Variants in ANKRD18A observed in about 807,000 individuals in gnomAD.
ANKRD18A encodes ankyrin repeat domain 18A.
ANKRD18A carries 72 observed loss-of-function variants against 110.6 expected under a neutral mutation model. That is an observed-to-expected ratio of 0.65 (90% CI 0.54 to 0.79). The LOEUF is 0.79. Ranked by LOEUF, ANKRD18A falls within the 30% of genes least tolerant of loss-of-function variation. The pLI is 0.00. For missense variants in ANKRD18A, 934 were observed against 1,163.3 expected, an observed-to-expected ratio of 0.80 and a Z score of 2.87; for synonymous variants, 305 against 410.3, an observed-to-expected ratio of 0.74 and a Z score of 3.10.
At chr9:38,574,100 G>A (rs576060893) in intron 15 of ANKRD18A, among the ~76,000 whole-genome samples, 2 of 152,276 alleles carry the variant, frequency 1.3e-5, no homozygotes, top group East Asian at 3.9e-4. Context: ...TTGTTCCCAT[G>A]TTTATGTCAA....
At chr9:38,595,094 T>G (rs1193650338) in intron 9 of ANKRD18A, among the ~76,000 whole-genome samples, 1 of 152,162 alleles carries the variant, frequency 6.6e-6, no homozygotes, top group Middle Eastern at 3.2e-3. Flanking sequence ...TAAAACAGCT[T>G]TGTTGAAATA....
rs576419013 is a variant in ANKRD18A, at chr9:38,579,764, A to G, written c.2248-1616T>C. Among the ~76,000 whole-genome samples the G allele has an allele frequency of 2.2e-4, 33 of 152,312 alleles. 1 individual carries two copies. The highest frequency in any genetic ancestry group is 7.7e-4 in the African/African-American group (32 of 41,572). ...TAGTGCAGCTACTATAGAAAACAAC[A>G]TGAGGCTTTCTCAAAAAATGAACAA... On this transcript the variant is annotated intron_variant, in intron 12 of 15. Transcript: ENST00000399703.
chr9:38,609,416 GC>G lies in ANKRD18A; in HGVS notation c.740+856del, dbSNP rs562401670. ...GAATAGCGTGAACCCAGGAAGGGGA[GC>G]TTGCAGTGAGCCAAGATTGCGCCAC... On this transcript the variant is annotated intron_variant, in intron 5 of 15. Coordinates refer to ENST00000399703, the MANE Select transcript of ANKRD18A (RefSeq NM_147195.4). Among the ~76,000 whole-genome samples, 1,257 of 152,254 alleles carry G rather than the reference GC, an allele frequency of 8.3e-3. 21 individuals are homozygous for G. The highest frequency in any genetic ancestry group is 0.028 in the African/African-American group (1,183 of 41,542).
chr9:38,593,959 TTA>T (rs905985280), intron 9 of ANKRD18A, 50 bp from the exon 10 acceptor site: 5 of 1,413,506 alleles, frequency 3.5e-6, no homozygotes, highest in Non-Finnish European at 4.6e-6. Flanking sequence ...TATTATTAAA[TTA>T]TGTTAATATT....
At chr9:38,577,022 T>A (rs2118649212) in intron 14 of ANKRD18A, 31 bp downstream of exon 14, 1 of 1,530,232 alleles carries the variant, frequency 6.5e-7, no homozygotes, top group Non-Finnish European at 8.8e-7. Flanking sequence ...TGAGCTGAAT[T>A]CATTTTCTAT....
In ANKRD18A at chr9:38,586,309, A is replaced by T. The variant is rs1345933942; in HGVS notation, c.2121T>A (p.Tyr707Ter). ...NRELEEEATGYKKCLEMTINM... is the reference protein window; with the variant it reads ...NRELEEEATG ...TTATTGTCATTTCTAGGCATTTCTTATATCTGCAGAAATGTAAGAACTAGT... is the reference window on the plus strand; with the variant it reads ...TTATTGTCATTTCTAGGCATTTCTTTTATCTGCAGAAATGTAAGAACTAGT... Residue 707 changes from tyrosine to a stop codon, truncating the protein, a stop_gained, in exon 12 of 16, where the codon TAT becomes TAA. Coordinates refer to ENST00000399703, the MANE Select transcript of ANKRD18A (RefSeq NM_147195.4). LOFTEE classifies it high-confidence loss of function. The T allele has an allele frequency of 5.1e-6, 8 of 1,571,086 alleles. No individual in the cohort carries two copies. The highest frequency in any genetic ancestry group is 6.9e-6 in the Non-Finnish European group (8 of 1,153,766).
chr9:38,610,148 A>G, intron 5 of ANKRD18A, 125 bp downstream of exon 5: 1 of 1,300,622 alleles, frequency 7.7e-7, no homozygotes, highest in Non-Finnish European at 1.0e-6. Flanking sequence ...AAGTGGACTA[A>G]CTTGTTGCCA....
chr9:38,591,356 G>A (rs17840706), intron 10 of ANKRD18A, among the ~76,000 whole-genome samples: 7,571 of 152,210 alleles, frequency 0.05, 179 homozygotes, highest in Non-Finnish European at 0.062. Flanking sequence ...GATACTAGCC[G>A]TGCGACCTTG....
chr9:38,603,720 T>G (rs1333454475), intron 6 of ANKRD18A, among the ~76,000 whole-genome samples: 1 of 152,048 alleles, frequency 6.6e-6, no homozygotes, highest in African/African-American at 2.4e-5. Flanking sequence ...CAATCCCAGC[T>G]TTATACCCTG....
At chr9:38,602,190 A>G (rs1375707446) in intron 7 of ANKRD18A, among the ~76,000 whole-genome samples, 3 of 150,326 alleles carry the variant, frequency 2.0e-5, no homozygotes, top group Non-Finnish European at 3.0e-5. Flanking sequence ...GCTAGACTGT[A>G]GCAATCATCT....
At chr9:38,569,654 C>T (rs1203010601), downstream of ANKRD18A, among the ~76,000 whole-genome samples, 3 of 152,060 alleles carry the variant, frequency 2.0e-5, no homozygotes, top group East Asian at 1.9e-4. Context: ...TTTGTGTATG[C>T]GTGTGTGTGT....
intron 3 of ANKRD18A, among the ~76,000 whole-genome samples, chr9:38,613,204 C>A (rs571459402): frequency 0.038 from 5,641 of 150,286 alleles, 236 homozygotes; most frequent in African/African-American, 0.12. Flanking sequence ...TGCCTCCTAC[C>A]CAGGGCAACC....
rs149739425 is a variant in ANKRD18A, at chr9:38,602,346, A to G, written c.862+813T>C. On this transcript the variant is annotated intron_variant, in intron 7 of 15. Transcript: ENST00000399703. The stretch of plus-strand genomic sequence containing the variant: ...AGCTGAGACTTAGACAGTGAGATTC[A>G]CCAGATTAAAAGAGGCAGAGGGCAG... 8.7e-3 allele frequency among the ~76,000 whole-genome samples: 1,319 copies of G among 152,072 alleles called. 10 individuals are homozygous for G. The highest frequency in any genetic ancestry group is 0.03 in the African/African-American group (1,259 of 41,448).
intron 7 of ANKRD18A, among the ~76,000 whole-genome samples, chr9:38,602,144 T>A (rs1363742360): frequency 6.6e-6 from 1 of 150,562 alleles, no homozygotes; most frequent in Non-Finnish European, 1.5e-5. Flanking sequence ...CCATCTGAGC[T>A]GCACATCAGG....
intron 15 of ANKRD18A, among the ~76,000 whole-genome samples, chr9:38,573,375 T>C (rs190401977): frequency 3.9e-4 from 59 of 152,288 alleles, no homozygotes; most frequent in Admixed American, 3.5e-3. Context: ...ATAATATTGG[T>C]CTATTGGATA....
At chr9:38,573,006 G>T in intron 15 of ANKRD18A, 1 of 859,678 alleles carries the variant, frequency 1.2e-6, no homozygotes, top group South Asian at 2.9e-5. Context: ...ACCCAACAAT[G>T]AAAAGGAATG....
At chr9:38,590,815 T>A (rs1420054096) in intron 10 of ANKRD18A, among the ~76,000 whole-genome samples, 1 of 152,150 alleles carries the variant, frequency 6.6e-6, no homozygotes, top group African/African-American at 2.4e-5. Context: ...TAGGAATTCA[T>A]GAAATAAGAA....
At chr9:38,593,703 T>G in intron 10 of ANKRD18A, 57 bp downstream of exon 10, 1 of 1,396,898 alleles carries the variant, frequency 7.2e-7, no homozygotes, top group Non-Finnish European at 9.3e-7. Context: ...CCTAAGACAC[T>G]TTATATTATT....
chr9:38,586,037 G>C (rs1221811604), intron 12 of ANKRD18A, 146 bp downstream of exon 12: 33 of 859,290 alleles, frequency 3.8e-5, no homozygotes, highest in Non-Finnish European at 3.4e-6. Context: ...AAGATTAATA[G>C]CTAATGCCTA....
Sources: gnomAD v4.1 joint callset for allele counts (sites outside exome capture counted in the v4.1 genomes callset) on GRCh38, gnomAD v4.1.1 for gene constraint, MANE v1.5 for transcripts, NCBI Gene and HGNC (gene_info 2026-07-23, HGNC 2026-07-21) for gene names.